USP25: variants seen among roughly 807,000 people sequenced by gnomAD.
USP25 encodes ubiquitin carboxyl-terminal hydrolase 25.
Under a neutral mutation model 158.5 loss-of-function variants are expected in USP25, and 85 were observed. The observed-to-expected ratio is 0.54, with a 90% CI of 0.45 to 0.64. The LOEUF is 0.64. Among genes scored for constraint, USP25 ranks in the 30% least tolerant of loss-of-function variants. USP25 has a pLI of 0.00. For missense variants in USP25, 1,242 were observed against 1,327.3 expected, an observed-to-expected ratio of 0.94 and a Z score of 1.00; for synonymous variants, 464 against 460.4, an observed-to-expected ratio of 1.01 and a Z score of -0.10.
chr21:15,761,706 A>C (rs1260375140), intron 1 of USP25, among the ~76,000 whole-genome samples: 1 of 152,178 alleles, frequency 6.6e-6, no homozygotes, highest in Admixed American at 6.5e-5. Flanking sequence ...AGGGGAGAAG[A>C]AATGCAAACC....
intron 1 of USP25, among the ~76,000 whole-genome samples, chr21:15,754,165 A>G (rs2033222007): frequency 6.6e-6 from 1 of 152,152 alleles, no homozygotes; most frequent in African/African-American, 2.4e-5. Context: ...CCAAAGAAGT[A>G]TATTTTTGGG....
At chr21:15,855,506 A>G (rs2039091281) in intron 20 of USP25, among the ~76,000 whole-genome samples, 1 of 152,176 alleles carries the variant, frequency 6.6e-6, no homozygotes, top group Non-Finnish European at 1.5e-5. Context: ...CTTGTTCCCT[A>G]AAGGTATACG....
At chr21:15,811,656 A>G (rs896819346) in intron 9 of USP25, among the ~76,000 whole-genome samples, 1 of 152,182 alleles carries the variant, frequency 6.6e-6, no homozygotes, top group African/African-American at 2.4e-5. Flanking sequence ...AAATGTAGAT[A>G]TTAGTTTTCA....
chr21:15,773,839 A>G (rs1292305268), intron 3 of USP25, among the ~76,000 whole-genome samples: 2 of 152,224 alleles, frequency 1.3e-5, no homozygotes, highest in Non-Finnish European at 1.5e-5. Flanking sequence ...TATGAAAAAC[A>G]CATTTGCTGA....
intron 1 of USP25, among the ~76,000 whole-genome samples, chr21:15,751,226 G>T (rs2032991228): frequency 6.6e-6 from 1 of 152,180 alleles, no homozygotes; most frequent in Non-Finnish European, 1.5e-5. Flanking sequence ...TTATAGAAGT[G>T]CTGTAGCTTG....
chr21:15,789,544 T>C (rs1235671703), intron 4 of USP25, among the ~76,000 whole-genome samples: 1 of 152,080 alleles, frequency 6.6e-6, no homozygotes, highest in Non-Finnish European at 1.5e-5. Context: ...TTTTAGACTT[T>C]TGAGCAGTTT....
intron 10 of USP25, among the ~76,000 whole-genome samples, chr21:15,822,900 C>T (rs910172312): frequency 6.6e-6 from 1 of 151,966 alleles, no homozygotes; most frequent in Non-Finnish European, 1.5e-5. Context: ...AGATAACCAT[C>T]CAGCTCAGGA....
intron 18 of USP25, among the ~76,000 whole-genome samples, chr21:15,844,908 A>G (rs74824230): frequency 6.6e-6 from 1 of 152,144 alleles, no homozygotes; most frequent in African/African-American, 2.4e-5. Flanking sequence ...GAAAACATTT[A>G]GTGGCTGAGT....
intron 1 of USP25, among the ~76,000 whole-genome samples, chr21:15,757,382 A>G (rs1387555468): frequency 6.6e-6 from 1 of 152,170 alleles, no homozygotes; most frequent in African/African-American, 2.4e-5. Context: ...GTCAAGATTT[A>G]TGAAAACATG....
chr21:15,873,746 G>A (rs1477769737), intron 23 of USP25, among the ~76,000 whole-genome samples: 1 of 152,068 alleles, frequency 6.6e-6, no homozygotes, highest in African/African-American at 2.4e-5. Flanking sequence ...GTCTGCCTCA[G>A]CCTCCCAAAG....
intron 3 of USP25, among the ~76,000 whole-genome samples, chr21:15,775,935 C>G (rs920498019): frequency 6.6e-6 from 1 of 151,876 alleles, no homozygotes; most frequent in Admixed American, 6.6e-5. Flanking sequence ...GGAATCTGAC[C>G]GCTAATTAAT....
intron 1 of USP25, among the ~76,000 whole-genome samples, chr21:15,733,935 G>C (rs2031226365): frequency 1.3e-5 from 2 of 152,238 alleles, no homozygotes; most frequent in South Asian, 4.1e-4. Flanking sequence ...AAGACAGGAT[G>C]TGGGATAGAT....
intron 16 of USP25, 61 bp from the exon 17 acceptor site, chr21:15,833,287 G>A: frequency 1.4e-6 from 2 of 1,476,054 alleles, no homozygotes; most frequent in Non-Finnish European, 1.9e-6. Context: ...AGTCTATTTT[G>A]AGCTTTGCAT....
intron 10 of USP25, among the ~76,000 whole-genome samples, chr21:15,819,130 C>T (rs149703386): frequency 7.2e-5 from 11 of 152,242 alleles, no homozygotes; most frequent in African/African-American, 2.6e-4. Context: ...CAGCCATTAG[C>T]AGCATGCTAG....
At chr21:15,738,876 A>C (rs993079843) in intron 1 of USP25, among the ~76,000 whole-genome samples, 5 of 152,182 alleles carry the variant, frequency 3.3e-5, no homozygotes, top group Non-Finnish European at 7.3e-5. Flanking sequence ...ACACTGTGAA[A>C]ATCCCGATAC....
chr21:15,784,952 A>G (rs755498413), intron 4 of USP25, among the ~76,000 whole-genome samples: 2 of 151,850 alleles, frequency 1.3e-5, no homozygotes, highest in Non-Finnish European at 2.9e-5. Flanking sequence ...ATTAAAAAAT[A>G]TAGAGCAGCT....
At position 15,864,412 on chromosome 21, in the gene USP25, C is replaced by A. The variant is rs763739148; in HGVS notation, c.2692C>A (p.Gln898Lys). 4 of 1,606,672 alleles carry A rather than the reference C, an allele frequency of 2.5e-6. No individual in the cohort carries two copies. The highest frequency in any genetic ancestry group is 1.3e-5 in the African/African-American group (1 of 74,342). Residue 898 changes from glutamine (Q) to lysine (K), a missense_variant, in exon 21 of 26, where the codon CAA becomes AAA. Gln to Lys is a moderately conservative substitution (Grantham distance 53, BLOSUM62 1). Around this residue, in one of 3 missense-constraint regions of USP25, gnomAD observed 608 missense variants for 605.2 expected, o/e 1.00. Transcript: ENST00000400183. The part of the protein sequence containing the change: ...KKIIEKTLLE[Q>K]FGDRNLSFDE... ...AATTATTGAGAAAACATTACTAGAA[C>A]AATTTGGAGATAGAAATTTGAGTTT...
At chr21:15,841,355 C>G (rs2038325263) in intron 17 of USP25, among the ~76,000 whole-genome samples, 1 of 152,084 alleles carries the variant, frequency 6.6e-6, no homozygotes, top group Admixed American at 6.6e-5. Context: ...GTTTTACTTT[C>G]CTCTCTAATT....
intron 1 of USP25, among the ~76,000 whole-genome samples, chr21:15,748,580 A>G (rs2123290933): frequency 6.7e-6 from 1 of 149,334 alleles, no homozygotes; most frequent in East Asian, 2.0e-4. Flanking sequence ...CATTACAGGC[A>G]TGAGCCACTG....
Sources: allele counts gnomAD v4.1 joint callset (sites outside exome capture counted in the v4.1 genomes callset), GRCh38; gene constraint gnomAD v4.1.1; regional missense constraint gnomAD v4.1.1; transcripts MANE v1.5; gene names NCBI Gene and HGNC (gene_info 2026-07-23, HGNC 2026-07-21).